Variants in GRID1 observed in about 807,000 individuals in gnomAD.
The protein encoded by GRID1 is glutamate receptor ionotropic, delta-1.
In GRID1, 28 loss-of-function variants were observed where a neutral mutation model predicts 98.0. The observed-to-expected ratio is 0.29, with a 90% CI of 0.21 to 0.39. GRID1 has a LOEUF of 0.39. GRID1 is among the 10% of genes least tolerant of loss of function. The pLI is 1.00. For missense variants in GRID1, 1,111 were observed against 1,340.5 expected, an observed-to-expected ratio of 0.83 and a Z score of 2.67; for synonymous variants, 553 against 538.5, an observed-to-expected ratio of 1.03 and a Z score of -0.37.
At chr10:85,801,486 T>G (rs559079516) in intron 8 of GRID1, among the ~76,000 whole-genome samples, 2 of 152,040 alleles carry the variant, frequency 1.3e-5, no homozygotes, top group South Asian at 2.1e-4. Flanking sequence ...TAAAAATCTT[T>G]AAAACAAATT....
chr10:85,640,063 T>C (rs944120943), intron 13 of GRID1, among the ~76,000 whole-genome samples: 2 of 152,136 alleles, frequency 1.3e-5, no homozygotes, highest in Admixed American at 6.6e-5. Context: ...AGGTGAACAC[T>C]TGTTCAAAGC....
intron 8 of GRID1, among the ~76,000 whole-genome samples, chr10:85,807,384 C>A (rs554029655): frequency 5.9e-4 from 88 of 148,854 alleles, no homozygotes; most frequent in African/African-American, 2.1e-3. Context: ...GAAAAAGAAT[C>A]TTGATTTATT....
chr10:86,108,015 C>A (rs954554628), intron 4 of GRID1, among the ~76,000 whole-genome samples: 1 of 152,200 alleles, frequency 6.6e-6, no homozygotes, highest in East Asian at 1.9e-4. Flanking sequence ...TTTGTCCGTG[C>A]GACAAGGTAG....
At chr10:85,973,041 G>A (rs1478488210) in intron 4 of GRID1, among the ~76,000 whole-genome samples, 1 of 152,082 alleles carries the variant, frequency 6.6e-6, no homozygotes, top group Non-Finnish European at 1.5e-5. Flanking sequence ...TTTAACATAG[G>A]GCCAGGCACA....
At chr10:86,360,338 G>A (rs886405435) in intron 2 of GRID1, among the ~76,000 whole-genome samples, 1 of 152,228 alleles carries the variant, frequency 6.6e-6, no homozygotes, top group Non-Finnish European at 1.5e-5. Context: ...TACAGTGGTG[G>A]GGGGAAGACT....
intron 5 of GRID1, among the ~76,000 whole-genome samples, chr10:85,899,098 G>T (rs1220077141): frequency 6.6e-6 from 1 of 152,204 alleles, no homozygotes; most frequent in Non-Finnish European, 1.5e-5. Flanking sequence ...GACTGCTGTT[G>T]TACATAGGGT....
intron 15 of GRID1, among the ~76,000 whole-genome samples, chr10:85,604,254 G>A (rs1564674606): frequency 6.6e-6 from 1 of 152,182 alleles, no homozygotes; most frequent in African/African-American, 2.4e-5. Flanking sequence ...TTTGGCTTCT[G>A]ATGAGACACC....
intron 3 of GRID1, among the ~76,000 whole-genome samples, chr10:86,194,373 A>T (rs1040916600): frequency 1.3e-5 from 2 of 152,124 alleles, no homozygotes; most frequent in Admixed American, 1.3e-4. Context: ...AGTGGGCAAT[A>T]TGGAGCAAAA....
chr10:85,653,479 G>A (rs995394607), intron 12 of GRID1, among the ~76,000 whole-genome samples: 4 of 152,346 alleles, frequency 2.6e-5, no homozygotes, highest in Admixed American at 6.5e-5. Flanking sequence ...GGTGGCCAAG[G>A]AGCCAGCTTA....
chr10:85,645,126 A>T (rs977128784), intron 13 of GRID1, among the ~76,000 whole-genome samples: 7 of 151,808 alleles, frequency 4.6e-5, no homozygotes, highest in Admixed American at 1.3e-4. Flanking sequence ...AATGAATAGA[A>T]CTTTAACAAA....
intron 4 of GRID1, among the ~76,000 whole-genome samples, chr10:85,990,242 C>A (rs1378151914): frequency 6.6e-6 from 1 of 152,204 alleles, no homozygotes; most frequent in Non-Finnish European, 1.5e-5. Context: ...TCGTTAGCTT[C>A]ACAATACACT....
At chr10:86,176,283 A>G (rs1036744776) in intron 3 of GRID1, among the ~76,000 whole-genome samples, 1 of 152,220 alleles carries the variant, frequency 6.6e-6, no homozygotes, top group Admixed American at 6.5e-5. Context: ...ATAATAGCAC[A>G]GTGTTGGAGC....
chr10:85,880,103 C>T (rs900927920), intron 5 of GRID1, among the ~76,000 whole-genome samples: 2 of 152,186 alleles, frequency 1.3e-5, no homozygotes, highest in South Asian at 2.1e-4. Flanking sequence ...AGACCAATAA[C>T]AGGCTCTGAA....
At chr10:85,783,466 G>C (rs1842398500) in intron 8 of GRID1, among the ~76,000 whole-genome samples, 1 of 152,134 alleles carries the variant, frequency 6.6e-6, no homozygotes, top group Non-Finnish European at 1.5e-5. Flanking sequence ...CTGATTTTAT[G>C]GACAGAAAGA....
At chr10:86,149,872 A>G (rs901023592) in intron 3 of GRID1, among the ~76,000 whole-genome samples, 8 of 152,056 alleles carry the variant, frequency 5.3e-5, no homozygotes, top group African/African-American at 1.9e-4. Flanking sequence ...CTCCTTCAAT[A>G]TTTTCTTTTA....
At position 85,838,425 on chromosome 10, in the gene GRID1, A is replaced by C. The variant is rs1030931010; in HGVS notation, c.1233+16071T>G. 1.8e-4 allele frequency among the ~76,000 whole-genome samples: 27 copies of C among 152,316 alleles called. 4 individuals are homozygous for C. Among genetic ancestry groups the C allele is most frequent in the Admixed American group, 1.3e-3 (20 of 15,294 alleles). ...GGTAGCTAGAGGAACAGACCAGGTC[A>C]CCAACAAGGGAAGCTCATCAAACTA... On this transcript the variant is annotated intron_variant, in intron 8 of 15. Coordinates refer to ENST00000327946, the MANE Select transcript of GRID1 (RefSeq NM_017551.3).
At chr10:86,337,698 CTTTTTTTTTTTTTTT>C (rs57891044) in intron 2 of GRID1, among the ~76,000 whole-genome samples, 4 of 73,284 alleles carry the variant, frequency 5.5e-5, no homozygotes, top group Non-Finnish European at 9.5e-5. Context: ...CCTTTGGGAA[CTTTTTTTTTTTTTTT>C]TTTTTTTTTT....
intron 8 of GRID1, among the ~76,000 whole-genome samples, chr10:85,767,080 G>A (rs1842205189): frequency 6.6e-6 from 1 of 151,988 alleles, no homozygotes; most frequent in South Asian, 2.1e-4. Context: ...TAATTTCTTG[G>A]GAATGAACAT....
chr10:86,127,496 G>C (rs1276282201), intron 4 of GRID1, among the ~76,000 whole-genome samples: 2 of 152,120 alleles, frequency 1.3e-5, no homozygotes, highest in Non-Finnish European at 2.9e-5. Flanking sequence ...CTCTCACCCT[G>C]CTCCTGAAAA....
Sources: allele counts gnomAD v4.1 joint callset (sites outside exome capture counted in the v4.1 genomes callset), GRCh38; gene constraint gnomAD v4.1.1; transcripts MANE v1.5; gene names NCBI Gene and HGNC (gene_info 2026-07-23, HGNC 2026-07-21).